SPIB: variants seen among roughly 807,000 people sequenced by gnomAD.
SPIB encodes Spi-B transcription factor.
Under a neutral mutation model 31.9 loss-of-function variants are expected in SPIB, and 7 were observed. The ratio of observed to expected loss-of-function variants is 0.22; its 90% CI spans 0.12 to 0.41. The LOEUF (loss-of-function observed/expected upper bound fraction) is 0.41. Ranked by LOEUF, SPIB falls within the 10% of genes least tolerant of loss-of-function variation. SPIB has a pLI of 1.00. For missense variants in SPIB, 327 were observed against 360.2 expected, an observed-to-expected ratio of 0.91 and a Z score of 0.75; for synonymous variants, 176 against 158.9, an observed-to-expected ratio of 1.11 and a Z score of -0.81.
Position 50,422,877 on chromosome 19 carries a change from C to A in SPIB, c.179C>A (p.Ala60Asp). 6.2e-7 allele frequency: 1 copy of A among 1,611,012 alleles called. No individual in the cohort carries two copies. Among genetic ancestry groups the A allele is most frequent in the Admixed American group, 1.7e-5 (1 of 59,796 alleles). The change falls in exon 4 of 6, where the codon GCC becomes GAC. Residue 60 changes from alanine (A) to aspartate (D), a missense_variant. Ala to Asp is a moderately radical substitution (Grantham distance 126). Transcript: ENST00000595883. The stretch of plus-strand genomic sequence containing the variant: ...CCTGTCCCAGCCACCCCCTATGAAG[C>A]CTTCGACCCGGCAGCAGCCGCTTTT... ...APPVPATPYE[A>D]FDPAAAAFSH...
In SPIB at chr19:50,422,827, C is replaced by T; in HGVS notation, c.129C>T (p.Ser43=). Reference sequence around the variant, plus strand: ...GACTCAGTGCCCTTCCCCCAGACTCCCTGTGGGACTGGACTGTGGCCCCAC... The same window carrying T: ...GACTCAGTGCCCTTCCCCCAGACTCTCTGTGGGACTGGACTGTGGCCCCAC... ...SYPDSEGAPD[S]LWDWTVAPPV... is the part of the protein sequence containing the mutation. Residue 43 remains serine, a synonymous_variant, in exon 4 of 6, where the codon TCC becomes TCT. Transcript: ENST00000595883. The T allele has an allele frequency of 6.4e-7, 1 of 1,559,630 alleles. No homozygotes were observed. Among genetic ancestry groups the T allele is most frequent in the African/African-American group, 1.4e-5 (1 of 72,946 alleles).
intron 5 of SPIB, among the ~76,000 whole-genome samples, chr19:50,427,482 G>A (rs532901217): frequency 6.6e-6 from 1 of 152,334 alleles, no homozygotes; most frequent in Admixed American, 6.5e-5. Context: ...CCGAGATTGC[G>A]CCATTGCACT....
At position 50,419,003 on chromosome 19, in the gene SPIB, A is replaced by G; in HGVS notation, c.23+18A>G. 1 of 1,551,484 alleles carries G rather than the reference A, an allele frequency of 6.4e-7. No homozygotes were observed. Among genetic ancestry groups the G allele is most frequent in the South Asian group, 1.2e-5 (1 of 84,160 alleles). The stretch of plus-strand genomic sequence containing the variant: ...GCTGCACAGTAAGTGAGGGCCCCCA[A>G]ACCTGCACCCGGGGTCCCCACCTGC... On this transcript the variant is annotated intron_variant, in intron 1 of 5. Coordinates refer to ENST00000595883, the MANE Select transcript of SPIB (RefSeq NM_003121.5).
Position 50,428,405 on chromosome 19 carries a change from G to T in SPIB, c.*69G>T. 6.9e-7 allele frequency: 1 copy of T among 1,444,346 alleles called. No individual in the cohort carries two copies. 89.5% of individuals were successfully genotyped at this position (1,444,346 alleles called of 1,614,324 possible). Reference sequence around the variant, plus strand: ...CGTCCCAGCCAGGATCCCCCTGGAAGAAAAAGGGCGTCCCCACACTCTAGG... The same window carrying T: ...CGTCCCAGCCAGGATCCCCCTGGAATAAAAAGGGCGTCCCCACACTCTAGG... On this transcript the variant is annotated 3_prime_UTR_variant, in exon 6 of 6. Transcript: ENST00000595883. This position sits in a 1 kb window ranked among gnomAD's most constrained non-coding sequence, Gnocchi z 6.5.
chr19:50,423,811 G>A, intron 5 of SPIB, 56 bp downstream of exon 5: 16 of 1,550,116 alleles, frequency 1.0e-5, no homozygotes, highest in Non-Finnish European at 1.4e-5. Context: ...TGGGGGGGCT[G>A]AGAGCACCAT....
chr19:50,423,673 G>A lies in SPIB; in HGVS notation c.408G>A (p.Leu136=). The A allele has an allele frequency of 1.2e-6, 2 of 1,613,928 alleles. No individual in the cohort carries two copies. Among genetic ancestry groups the A allele is most frequent in the Non-Finnish European group, 1.7e-6 (2 of 1,179,968 alleles). Residue 136 remains leucine, a synonymous_variant, in exon 5 of 6, where the codon TTG becomes TTA. Coordinates refer to ENST00000595883, the MANE Select transcript of SPIB (RefSeq NM_003121.5). The part of the protein sequence containing the change: ...PVLSEEEDLP[L]DSPALEVSDS... ...TATCAGAGGAGGAAGACTTACCGTT[G>A]GACAGCCCTGCCCTGGAGGTCTCGG...
rs1249428721 is a variant in SPIB at position 50,431,115 on chromosome 19, A to T, written c.*2779A>T. On this transcript the variant is annotated 3_prime_UTR_variant, in exon 6 of 6. Coordinates refer to ENST00000595883, the MANE Select transcript of SPIB (RefSeq NM_003121.5). ...CCCTCCACTGAGGCCGCTGGCTCTCAGAGACACCGTGACATCACGGGTGAT... is the reference window on the plus strand; with the variant it reads ...CCCTCCACTGAGGCCGCTGGCTCTCTGAGACACCGTGACATCACGGGTGAT... The T allele has an allele frequency of 1.3e-5, 2 of 152,260 alleles. No homozygotes were observed. The highest frequency in any genetic ancestry group is 4.8e-5 in the African/African-American group (2 of 41,468). 9.4% of individuals were successfully genotyped at this position (152,260 alleles called of 1,614,324 possible). A position where few individuals can be genotyped will look rare whatever the true frequency, so the allele number is the denominator to read the frequency against.
chr19:50,427,041 G>A (rs1438009096), intron 5 of SPIB, among the ~76,000 whole-genome samples: 1 of 151,860 alleles, frequency 6.6e-6, no homozygotes. Flanking sequence ...GGGGCAGGAG[G>A]ATTGCTTAGG....
chr19:50,419,865 C>A, intron 1 of SPIB, 81 bp from the exon 2 acceptor site: 1 of 1,433,022 alleles, frequency 7.0e-7, no homozygotes, highest in Non-Finnish European at 9.3e-7. Context: ...CTGCTGCCGC[C>A]TCCCCATCAG....
rs530395743 is a variant in SPIB at position 50,428,294 on chromosome 19, C to T, written c.747C>T (p.Tyr249=). ...EIRKVKRKLT[Y]QFDSALLPAV... Reference sequence around the variant, plus strand: ...GCAAGGTCAAGCGCAAGCTCACCTACCAGTTCGACAGCGCGCTGCTGCCTG... The same window carrying T: ...GCAAGGTCAAGCGCAAGCTCACCTATCAGTTCGACAGCGCGCTGCTGCCTG... Residue 249 remains tyrosine, a synonymous_variant, in exon 6 of 6, where the codon TAC becomes TAT. Coordinates refer to ENST00000595883, the MANE Select transcript of SPIB (RefSeq NM_003121.5). This position sits in a 1 kb window ranked among gnomAD's most constrained non-coding sequence, Gnocchi z 6.5. 1.3e-6 allele frequency: 2 copies of T among 1,550,824 alleles called. No individual in the cohort carries two copies. The highest frequency in any genetic ancestry group is 1.7e-6 in the Non-Finnish European group (2 of 1,146,890).
At chr19:50,422,802 G>A in intron 3 of SPIB, 21 bp from the exon 4 acceptor site, 2 of 1,491,930 alleles carry the variant, frequency 1.3e-6, no homozygotes, top group Non-Finnish European at 1.8e-6. Flanking sequence ...CCCAGCTTCT[G>A]ACTCAGTGCC....
chr19:50,419,805 C>T (rs1007180315), intron 1 of SPIB, 141 bp from the exon 2 acceptor site: 6 of 769,492 alleles, frequency 7.8e-6, no homozygotes, highest in African/African-American at 5.6e-5. Flanking sequence ...TGGGGGAGTC[C>T]GGTGAATGTG....
chr19:50,428,338 C>A lies in SPIB; in HGVS notation c.*2C>A. 1 of 1,540,494 alleles carries A rather than the reference C, an allele frequency of 6.5e-7. No homozygotes were observed. Among genetic ancestry groups the A allele is most frequent in the Non-Finnish European group, 8.8e-7 (1 of 1,141,026 alleles). On this transcript the variant is annotated 3_prime_UTR_variant, in exon 6 of 6. Transcript: ENST00000595883. This position sits in a 1 kb window ranked among gnomAD's most constrained non-coding sequence, Gnocchi z 6.5. ...CTGCCTGCAGTCCGCCGGGCCTGAG[C>A]ACACCCGAGGCTCCCACCTGCGGAG... is the stretch of plus-strand genomic sequence containing the variant.
chr19:50,424,658 G>A (rs911146722), intron 5 of SPIB, among the ~76,000 whole-genome samples: 1 of 152,154 alleles, frequency 6.6e-6, no homozygotes, highest in Non-Finnish European at 1.5e-5. Flanking sequence ...GTGTGCACCT[G>A]TAGTCCCAGC....
At chr19:50,421,124 G>A (rs1253875264) in intron 2 of SPIB, among the ~76,000 whole-genome samples, 2 of 152,144 alleles carry the variant, frequency 1.3e-5, no homozygotes, top group Admixed American at 1.3e-4. Flanking sequence ...TCCAGTTGGA[G>A]ACTCATAATA....
Position 50,419,982 on chromosome 19 carries a change from G to A in SPIB, c.51+9G>A. 2 of 1,467,922 alleles carry A rather than the reference G, an allele frequency of 1.4e-6. No individual in the cohort carries two copies. Among genetic ancestry groups the A allele is most frequent in the South Asian group, 1.5e-5 (1 of 68,644 alleles). 90.9% of individuals were successfully genotyped at this position (1,467,922 alleles called of 1,614,324 possible). A position where few individuals can be genotyped will look rare whatever the true frequency, so the allele number is the denominator to read the frequency against. ...CACACTTCAGCTGTCTGGTGAGTTG[G>A]GGCCCCTGGGGGCCAGGGAGGGGTG... On this transcript the variant is annotated intron_variant, in intron 2 of 5. Transcript: ENST00000595883.
chr19:50,422,504 G>A lies in SPIB; in HGVS notation c.83G>A (p.Ser28Asn), dbSNP rs760432321. The change falls in exon 3 of 6, where the codon AGC (serine) becomes AAC (asparagine). Residue 28 changes from serine to asparagine, a missense_variant. Transcript: ENST00000595883. Reference sequence around the variant, plus strand: ...GATGGCGTCTTCTATGACCTGGACAGCTGCAAGCATTCCAGCTACCCTGAT... The same window carrying A: ...GATGGCGTCTTCTATGACCTGGACAACTGCAAGCATTCCAGCTACCCTGAT... ...YPDGVFYDLDSCKHSSYPDSE... is the reference protein window; with the variant it reads ...YPDGVFYDLDNCKHSSYPDSE... 2 of 1,613,944 alleles carry A rather than the reference G, an allele frequency of 1.2e-6. No homozygotes were observed. The highest frequency in any genetic ancestry group is 4.5e-5 in the East Asian group (2 of 44,892).
chr19:50,419,103 G>A (rs1360739170), intron 1 of SPIB, 118 bp downstream of exon 1: 1 of 1,252,688 alleles, frequency 8.0e-7, no homozygotes, highest in Non-Finnish European at 1.1e-6. Flanking sequence ...GGAGTGGAGG[G>A]GAGGGGTCCA....
At position 50,426,421 on chromosome 19, in the gene SPIB, G is replaced by A. The variant is rs111491183; in HGVS notation, c.491-1617G>A. Among the ~76,000 whole-genome samples the A allele has an allele frequency of 8.5e-5, 13 of 152,244 alleles. 1 individual carries two copies. The highest frequency in any genetic ancestry group is 4.6e-4 in the Admixed American group (7 of 15,282). On this transcript the variant is annotated intron_variant, in intron 5 of 5. Coordinates refer to ENST00000595883, the MANE Select transcript of SPIB (RefSeq NM_003121.5). ...CTGGGTCAGCCACACTGAGGAACTC[G>A]GGGAGGGAGATGTAGAACTGCCAAG...
Sources: allele counts gnomAD v4.1 joint callset (sites outside exome capture counted in the v4.1 genomes callset), GRCh38; gene constraint gnomAD v4.1.1; non-coding constraint Gnocchi (gnomAD v3.1); transcripts MANE v1.5; gene names NCBI Gene and HGNC (gene_info 2026-07-23, HGNC 2026-07-21).